The following UPP2 variants were observed in gnomAD, a reference collection of about 807,000 sequenced individuals.
UPP2 encodes uridine phosphorylase 2.
Under a neutral mutation model 26.7 loss-of-function variants are expected in UPP2, and 23 were observed. The ratio of observed to expected loss-of-function variants is 0.86; its 90% confidence interval spans 0.62 to 1.22. UPP2 has a LOEUF of 1.22. Among genes scored for constraint, UPP2 ranks in the 50% most tolerant of loss-of-function variants. UPP2 has a pLI of 0.00. For synonymous variants in UPP2, 127 were observed against 141.3 expected (o/e 0.90, Z 0.72); for missense variants, 387 against 396.7 (o/e 0.98, Z 0.21).
intron 3 of UPP2, among the ~76,000 whole-genome samples, chr2:158,054,249 C>T (rs145013498): frequency 0.038 from 5,738 of 151,974 alleles, 350 homozygotes; most frequent in African/African-American, 0.13. Flanking sequence ...CAGAGTGAGA[C>T]CCTGTCTCAA....
intron 2 of UPP2, among the ~76,000 whole-genome samples, chr2:157,997,977 C>A (rs139396643): frequency 2.5e-4 from 38 of 152,278 alleles, no homozygotes; most frequent in African/African-American, 8.7e-4. Context: ...AAATATATAG[C>A]AACAGAAACC....
chr2:157,997,826 T>G (rs530321185), intron 2 of UPP2, among the ~76,000 whole-genome samples: 2 of 152,322 alleles, frequency 1.3e-5, no homozygotes, highest in Admixed American at 1.3e-4. Context: ...TCATTTTCCT[T>G]AAGATGCACT....
At chr2:158,124,925 T>G (rs935238306) in intron 6 of UPP2, among the ~76,000 whole-genome samples, 2 of 152,186 alleles carry the variant, frequency 1.3e-5, no homozygotes, top group Admixed American at 1.3e-4. Flanking sequence ...GTTGGTCGTT[T>G]GCACTGGAGA....
At chr2:158,017,787 T>A (rs1683683892) in intron 3 of UPP2, among the ~76,000 whole-genome samples, 1 of 152,246 alleles carries the variant, frequency 6.6e-6, no homozygotes, top group Non-Finnish European at 1.5e-5. Context: ...TTTTTACTTA[T>A]GGCCAAAATT....
chr2:158,021,494 C>T (rs917591614), intron 3 of UPP2, among the ~76,000 whole-genome samples: 1 of 152,256 alleles, frequency 6.6e-6, no homozygotes, highest in African/African-American at 2.4e-5. Flanking sequence ...GTCTGTTCAT[C>T]GGAGGAGAAC....
intron 3 of UPP2, among the ~76,000 whole-genome samples, chr2:158,049,433 C>A (rs1682108912): frequency 1.3e-5 from 2 of 152,174 alleles, no homozygotes. Flanking sequence ...CAGTACAAAC[C>A]AGAGGACATC....
intron 3 of UPP2, among the ~76,000 whole-genome samples, chr2:158,067,995 C>T (rs1682465415): frequency 2.0e-5 from 3 of 152,060 alleles, no homozygotes; most frequent in African/African-American, 7.2e-5. Context: ...GGCATTGCTA[C>T]TGTTATTATT....
At chr2:158,013,504 A>G (rs1486985895) in intron 2 of UPP2, among the ~76,000 whole-genome samples, 2 of 152,238 alleles carry the variant, frequency 1.3e-5, no homozygotes, top group Non-Finnish European at 2.9e-5. Context: ...GGGGATTAGT[A>G]AGATGAGAAG....
intron 1 of UPP2, among the ~76,000 whole-genome samples, chr2:158,103,509 T>A (rs1321166484): frequency 6.6e-6 from 1 of 152,162 alleles, no homozygotes; most frequent in African/African-American, 2.4e-5. Flanking sequence ...CTGGTGGTTC[T>A]GATATGTAGC....
At chr2:158,097,802 A>G (rs1013147225), upstream of UPP2, among the ~76,000 whole-genome samples, 3 of 152,172 alleles carry the variant, frequency 2.0e-5, no homozygotes, top group African/African-American at 7.2e-5. Flanking sequence ...AGAGCAAAAC[A>G]AACACCGTAG....
At chr2:157,996,945 A>C (rs1257376995) in intron 2 of UPP2, among the ~76,000 whole-genome samples, 3 of 152,242 alleles carry the variant, frequency 2.0e-5, no homozygotes, top group Non-Finnish European at 2.9e-5. Flanking sequence ...GATTGCTTTC[A>C]TCTCAAGTAA....
chr2:158,010,003 T>C (rs1358983324), intron 2 of UPP2, among the ~76,000 whole-genome samples: 1 of 152,226 alleles, frequency 6.6e-6, no homozygotes, highest in East Asian at 1.9e-4. Flanking sequence ...TTAATTTAGA[T>C]TGAGGTGGAA....
chr2:158,121,729 G>A lies in UPP2; in HGVS notation c.664+111G>A, dbSNP rs577307289. The A allele has an allele frequency of 8.0e-5, 81 of 1,006,770 alleles. No homozygotes were observed. In the East Asian group the frequency reaches 2.1e-3, roughly 26 times the overall value. 62.4% of individuals were successfully genotyped at this position (1,006,770 alleles called of 1,614,324 possible). A position where few individuals can be genotyped will look rare whatever the true frequency, so the allele number is the denominator to read the frequency against. On this transcript the variant is annotated intron_variant, in intron 5 of 6. Coordinates refer to ENST00000005756, the MANE Select transcript of UPP2 (RefSeq NM_173355.4). ...CTACTTAAGAAAATTAATATTTGTG[G>A]GTTAAAAAGGAAATGAAACAGCCTT... is the stretch of plus-strand genomic sequence containing the variant.
At chr2:158,100,044 G>A (rs1281437811), upstream of UPP2, among the ~76,000 whole-genome samples, 1 of 152,146 alleles carries the variant, frequency 6.6e-6, no homozygotes, top group Non-Finnish European at 1.5e-5. Flanking sequence ...CTGGCCTTTT[G>A]CAATACAGTC....
chr2:158,031,263 A>G (rs961730425), intron 3 of UPP2, among the ~76,000 whole-genome samples: 14 of 152,170 alleles, frequency 9.2e-5, no homozygotes. Context: ...AGTGAGGGCC[A>G]GGAAGGAGAA....
chr2:158,081,881 T>G (rs555639159), intron 3 of UPP2, among the ~76,000 whole-genome samples: 1 of 151,788 alleles, frequency 6.6e-6, no homozygotes, highest in South Asian at 2.1e-4. Flanking sequence ...ATTAATAAGA[T>G]CTAGTATTTT....
At chr2:158,105,091 C>G (rs1683163538) in intron 1 of UPP2, among the ~76,000 whole-genome samples, 1 of 147,498 alleles carries the variant, frequency 6.8e-6, no homozygotes, top group African/African-American at 2.5e-5. Context: ...ACAAAGAAGT[C>G]TCAGACAGTT....
At chr2:158,122,731 A>G (rs10190321) in intron 5 of UPP2, among the ~76,000 whole-genome samples, 89,970 of 150,772 alleles carry the variant, frequency 0.6, 27,791 homozygotes, top group African/African-American at 0.71. Context: ...TATATGCATG[A>G]CAGCCTTGAC....
intron 3 of UPP2, among the ~76,000 whole-genome samples, chr2:158,064,846 C>A (rs1272193776): frequency 2.6e-5 from 4 of 152,148 alleles, no homozygotes; most frequent in Non-Finnish European, 5.9e-5. Context: ...AAATAGGAAT[C>A]TTTTCCCCAT....
Sources: allele counts gnomAD v4.1 joint callset (sites outside exome capture counted in the v4.1 genomes callset), GRCh38; gene constraint gnomAD v4.1.1; transcripts MANE v1.5; gene names NCBI Gene and HGNC (gene_info 2026-07-23, HGNC 2026-07-21).